The following TTN variants were observed in gnomAD, a reference collection of about 807,000 sequenced individuals.
TTN encodes titin.
Under a neutral mutation model 3,223.0 loss-of-function variants are expected in TTN, and 1,525 were observed. The observed-to-expected ratio is 0.47, with a 90% CI of 0.45 to 0.49. The LOEUF (loss-of-function observed/expected upper bound fraction) is 0.49, where lower values mean the gene tolerates loss of function less well. Among genes scored for constraint, TTN ranks in the 20% least tolerant of loss-of-function variants. The pLI is 0.00. For missense variants in TTN, 40,786 were observed against 43,424.0 expected (o/e 0.94, Z 5.40); for synonymous variants, 14,094 against 15,161.0 (o/e 0.93, Z 5.17).
intron 294 of TTN, among the ~76,000 whole-genome samples, 175 bp from the exon 295 acceptor site, chr2:178,595,984 CTTTTTTTTTTTT>C (rs762808998): frequency 8.7e-6 from 1 of 114,512 alleles, no homozygotes; most frequent in African/African-American, 3.5e-5. Context: ...CAGTCAACCA[CTTTTTTTTTTTT>C]TTTTTTTTTT....
chr2:178,739,552 C>T lies in TTN; in HGVS notation c.13681G>A (p.Val4561Ile). The change falls in exon 48 of 363, where the codon GTC (valine) becomes ATC (isoleucine). Residue 4561 changes from valine (V) to isoleucine (I), a missense_variant. Transcript: ENST00000589042. ...PVTKGVASAV[V>I]SDEKQDESLK... Reference sequence around the variant, plus strand: ...CTCTCATCTTGTTTTTCGTCAGAGACAACAGCTGAAGCAACCCCTTTAGTG... The same window carrying T: ...CTCTCATCTTGTTTTTCGTCAGAGATAACAGCTGAAGCAACCCCTTTAGTG... 6.2e-7 allele frequency: 1 copy of T among 1,613,836 alleles called. No homozygotes were observed. Among genetic ancestry groups the T allele is most frequent in the Non-Finnish European group, 8.5e-7 (1 of 1,179,830 alleles).
At chr2:178,757,168 T>C (rs192945764) in intron 45 of TTN, among the ~76,000 whole-genome samples, 52 of 150,828 alleles carry the variant, frequency 3.4e-4, no homozygotes, top group Non-Finnish European at 6.2e-4. Flanking sequence ...CAGTAAGTAA[T>C]ACTGTACTTA....
At position 178,589,219 on chromosome 2, in the gene TTN, G is replaced by A. The variant is rs757231565; in HGVS notation, c.62506C>T (p.Arg20836Ter). Residue 20836 changes from arginine (R) to a stop codon, truncating the protein, a stop_gained, in exon 304 of 363, where the codon CGA becomes TGA. Transcript: ENST00000589042. LOFTEE classifies it high-confidence loss of function. The part of the protein sequence containing the change: ...SSKFSLTKAK[R>*]SDGGKYVVTA... ...ACTACATATTTACCCCCATCACTTC[G>A]CTTTGCTTTAGTAAGAGAAAATTTA... 6 of 1,613,436 alleles carry A rather than the reference G, an allele frequency of 3.7e-6. No individual in the cohort carries two copies. The highest frequency in any genetic ancestry group is 4.2e-6 in the Non-Finnish European group (5 of 1,179,596).
Position 178,594,494 on chromosome 2 carries a change from C to T in TTN, c.58000G>A (p.Val19334Ile), listed in dbSNP as rs769006307. 2.5e-6 allele frequency: 4 copies of T among 1,613,276 alleles called. 1 individual carries two copies. Among genetic ancestry groups the T allele is most frequent in the African/African-American group, 2.7e-5 (2 of 74,906 alleles). Residue 19334 changes from valine (V) to isoleucine (I), a missense_variant, in exon 296 of 363, where the codon GTT becomes ATT. Coordinates refer to ENST00000589042, the MANE Select transcript of TTN (RefSeq NM_001267550.2). ...CTGCTAAGCAAGTTGTCATTTGTAA[C>T]TTTGTGGAACTTCTCAGTCCCAATG... ...RLIGTEKFHK[V>I]TNDNLLSRKY...
chr2:178,649,734 A>G, intron 211 of TTN, 83 bp downstream of exon 211: 1 of 1,556,268 alleles, frequency 6.4e-7, no homozygotes, highest in South Asian at 1.1e-5. Flanking sequence ...GTTAACAAAC[A>G]TATAATACAA....
chr2:178,613,870 C>G lies in TTN; in HGVS notation c.49413G>C (p.Trp16471Cys). The part of the protein sequence containing the change: ...DITKDAVTLT[W>C]CEPDDDGGSP... The stretch of plus-strand genomic sequence containing the variant: ...TGCCACCATCATCATCTGGCTCACA[C>G]CATGTGAGAGTCACTGCGTCTTTAG... The change falls in exon 263 of 363, where the codon TGG becomes TGC. Residue 16471 changes from tryptophan (W) to cysteine (C), a missense_variant. Physicochemically the swap from Trp to Cys is radical, Grantham distance 215. Coordinates refer to ENST00000589042, the MANE Select transcript of TTN (RefSeq NM_001267550.2). 6.2e-7 allele frequency: 1 copy of G among 1,611,856 alleles called. No homozygotes were observed. The highest frequency in any genetic ancestry group is 8.5e-7 in the Non-Finnish European group (1 of 1,178,834).
chr2:178,616,772 G>T lies in TTN; in HGVS notation c.48117C>A (p.Asn16039Lys). ...TTTCCCCAGAAATTGTTTTCACACGGTTTTCTAATTTCAGTGTATAAATGC... is the reference window on the plus strand; with the variant it reads ...TTTCCCCAGAAATTGTTTTCACACGTTTTTCTAATTTCAGTGTATAAATGC... Reference protein sequence around the residue: ...DKGIYTLKLENRVKTISGEID... With the variant: ...DKGIYTLKLEKRVKTISGEID... Residue 16039 changes from asparagine to lysine, a missense_variant, in exon 256 of 363, where the codon AAC becomes AAA. Coordinates refer to ENST00000589042, the MANE Select transcript of TTN (RefSeq NM_001267550.2). The T allele has an allele frequency of 6.2e-7, 1 of 1,612,538 alleles. No homozygotes were observed. The highest frequency in any genetic ancestry group is 1.3e-5 in the African/African-American group (1 of 74,914).
intron 2 of TTN, among the ~76,000 whole-genome samples, 153 bp downstream of exon 2, chr2:178,804,399 T>C (rs1246748092): frequency 1.3e-5 from 2 of 152,228 alleles, no homozygotes; most frequent in African/African-American, 4.8e-5. Flanking sequence ...ACTCTGTGAA[T>C]GGTATACCCT....
chr2:178,692,471 T>C (rs774179188), intron 120 of TTN, 26 bp downstream of exon 120: 51 of 1,543,606 alleles, frequency 3.3e-5, no homozygotes, highest in Admixed American at 2.1e-4. Context: ...TGCTAAGAAT[T>C]ATTTTTTTCA....
chr2:178,543,248 C>T lies in TTN; in HGVS notation c.96725G>A (p.Cys32242Tyr). ...CATCCATCTCTCTGTGCCAGCTTTG[C>T]AGGCCTCGAGAACATATCCAGTGAG... Reference protein sequence around the residue: ...SRLTGYVLEACKAGTERWMKV... With the variant: ...SRLTGYVLEAYKAGTERWMKV... Residue 32242 changes from cysteine (C) to tyrosine (Y), a missense_variant, in exon 347 of 363, where the codon TGC becomes TAC. Transcript: ENST00000589042. The T allele has an allele frequency of 4.3e-6, 7 of 1,613,782 alleles. No individual in the cohort carries two copies. Among genetic ancestry groups the T allele is most frequent in the Non-Finnish European group, 5.9e-6 (7 of 1,179,780 alleles).
Position 178,756,207 on chromosome 2 carries a change from T to G in TTN, c.11254+15A>C. On this transcript the variant is annotated intron_variant, in intron 46 of 362. Transcript: ENST00000589042. ...AGGATGAAATGAAGCAAGTCATAGC[T>G]AAAAATCAATTAACCACCTTCTACA... The G allele has an allele frequency of 6.3e-7, 1 of 1,575,370 alleles. No individual in the cohort carries two copies. The highest frequency in any genetic ancestry group is 8.7e-7 in the Non-Finnish European group (1 of 1,153,906).
chr2:178,791,661 A>ATGTG (rs1249000350), intron 10 of TTN, among the ~76,000 whole-genome samples: 1 of 95,822 alleles, frequency 1.0e-5, no homozygotes, highest in Non-Finnish European at 2.3e-5. Context: ...ATGTATGTGT[A>ATGTG]TATGTGTGTG....
At position 178,649,815 on chromosome 2, in the gene TTN, AC is replaced by A; in HGVS notation, c.39895+1del. ...ATGAAGTATTCATTTTAACATGAGT[AC>A]CTTTAGGAGGCGGTGCTTCTGGTTT... On this transcript the variant is annotated splice_donor_variant, in intron 211 of 362. Transcript: ENST00000589042. LOFTEE classifies it high-confidence loss of function. The A allele has an allele frequency of 6.2e-7, 1 of 1,611,410 alleles. No individual in the cohort carries two copies. Among genetic ancestry groups the A allele is most frequent in the Non-Finnish European group, 8.5e-7 (1 of 1,179,128 alleles).
At chr2:178,706,331 G>C in intron 102 of TTN, 123 bp downstream of exon 102, 1 of 1,033,902 alleles carries the variant, frequency 9.7e-7, no homozygotes, top group Non-Finnish European at 1.4e-6. Context: ...ATGCTGTATT[G>C]TTTATTTGTA....
Position 178,739,627 on chromosome 2 carries a change from T to A in TTN, c.13606A>T (p.Ser4536Cys), listed in dbSNP as rs1332420482. The A allele has an allele frequency of 6.2e-7, 1 of 1,613,792 alleles. No individual in the cohort carries two copies. The highest frequency in any genetic ancestry group is 1.1e-5 in the South Asian group (1 of 91,092). Residue 4536 changes from serine (S) to cysteine (C), a missense_variant, in exon 48 of 363, where the codon AGT becomes TGT. Physicochemically the swap from Ser to Cys is moderately radical, Grantham distance 112. Transcript: ENST00000589042. Reference protein sequence around the residue: ...SKYLISTEEVSYFNVQSRVKY... With the variant: ...SKYLISTEEVCYFNVQSRVKY... ...ACCCTACTTTGCACGTTAAAATAACTGACCTCTTCAGTTGAGATCAGATAT... is the reference window on the plus strand; with the variant it reads ...ACCCTACTTTGCACGTTAAAATAACAGACCTCTTCAGTTGAGATCAGATAT...
chr2:178,713,074 T>C lies in TTN; in HGVS notation c.27049+11A>G. The C allele has an allele frequency of 6.2e-7, 1 of 1,610,834 alleles. No individual in the cohort carries two copies. The highest frequency in any genetic ancestry group is 8.5e-7 in the Non-Finnish European group (1 of 1,177,592). On this transcript the variant is annotated intron_variant, in intron 93 of 362. Transcript: ENST00000589042. ...TGAAATGCAATTCATTTTACTGTTT[T>C]GTAAACTGACCTCTCACAGTCAAAG...
At position 178,549,625 on chromosome 2, in the gene TTN, C is replaced by T; in HGVS notation, c.92097G>A (p.Lys30699=). The change falls in exon 338 of 363, where the codon AAG becomes AAA. Residue 30699 remains lysine (K), a synonymous_variant. Transcript: ENST00000589042. ...AATCAAGTGGCCTGCCAACACCAAACTTGTTAACTGCAGAAACACGGAATT... is the reference window on the plus strand; with the variant it reads ...AATCAAGTGGCCTGCCAACACCAAATTTGTTAACTGCAGAAACACGGAATT... The part of the protein sequence containing the change: ...EYQFRVSAVN[K]FGVGRPLDSD... 6.2e-7 allele frequency: 1 copy of T among 1,613,832 alleles called. No individual in the cohort carries two copies. The highest frequency in any genetic ancestry group is 8.5e-7 in the Non-Finnish European group (1 of 1,179,766).
rs781135448 is a variant in TTN at position 178,552,508 on chromosome 2, A to G, written c.90392T>C (p.Val30131Ala). Reference protein sequence around the residue: ...TVKELIITPEVDLSDIPGAQV... With the variant: ...TVKELIITPEADLSDIPGAQV... Reference sequence around the variant, plus strand: ...TGCCCCAGGGATATCTGACAGGTCAACTTCAGGTGTAATAATAAGTTCTTT... The same window carrying G: ...TGCCCCAGGGATATCTGACAGGTCAGCTTCAGGTGTAATAATAAGTTCTTT... The change falls in exon 335 of 363, where the codon GTT (valine) becomes GCT (alanine). Residue 30131 changes from valine to alanine, a missense_variant. Physicochemically the swap from Val to Ala is moderately conservative, Grantham distance 64. Transcript: ENST00000589042. 1.2e-6 allele frequency: 2 copies of G among 1,613,566 alleles called. No homozygotes were observed. Among genetic ancestry groups the G allele is most frequent in the Non-Finnish European group, 1.7e-6 (2 of 1,179,622 alleles).
At chr2:178,610,046 G>A in intron 271 of TTN, 44 bp downstream of exon 271, 1 of 1,611,038 alleles carries the variant, frequency 6.2e-7, no homozygotes, top group South Asian at 1.1e-5. Flanking sequence ...ACAAAACTAT[G>A]GTTTATTAGT....
Sources: allele counts gnomAD v4.1 joint callset (sites outside exome capture counted in the v4.1 genomes callset), GRCh38; gene constraint gnomAD v4.1.1; transcripts MANE v1.5; gene names NCBI Gene and HGNC (gene_info 2026-07-23, HGNC 2026-07-21).